NVL: variants seen among roughly 807,000 people sequenced by gnomAD.
The protein encoded by NVL is nuclear VCP like.
In NVL, 84 loss-of-function variants were observed where a neutral mutation model predicts 110.2. The ratio of observed to expected loss-of-function variants is 0.76; its 90% confidence interval spans 0.64 to 0.91. The LOEUF (loss-of-function observed/expected upper bound fraction) is 0.91, where lower values mean the gene tolerates loss of function less well. Ranked by LOEUF, NVL falls within the 40% of genes least tolerant of loss-of-function variation. NVL has a pLI of 0.00. For missense variants in NVL, 882 were observed against 1,035.9 expected, an observed-to-expected ratio of 0.85 and a Z score of 2.04; for synonymous variants, 354 against 361.1, an observed-to-expected ratio of 0.98 and a Z score of 0.22.
chr1:224,305,210 T>C, intron 6 of NVL, 44 bp from the exon 7 acceptor site: 1 of 1,560,212 alleles, frequency 6.4e-7, no homozygotes. Context: ...TAAAATTCTA[T>C]GCCAATAATT....
chr1:224,316,662 C>CAAA (rs71170004), intron 4 of NVL, among the ~76,000 whole-genome samples: 4 of 121,922 alleles, frequency 3.3e-5, no homozygotes, highest in Admixed American at 9.0e-5. Context: ...AACCCTGTCT[C>CAAA]AAAAAAAAAA....
At chr1:224,318,828 A>T (rs536658614) in intron 2 of NVL, among the ~76,000 whole-genome samples, 26 of 151,336 alleles carry the variant, frequency 1.7e-4, no homozygotes, top group Non-Finnish European at 3.5e-4. Context: ...CTAAAAATAA[A>T]AAAAAAAAAA....
At chr1:224,233,769 CA>C (rs1297137302) in intron 20 of NVL, among the ~76,000 whole-genome samples, 1 of 150,878 alleles carries the variant, frequency 6.6e-6, no homozygotes, top group African/African-American at 2.4e-5. Context: ...AATTAAAAAA[CA>C]AAAACAAAAA....
At chr1:224,268,000 G>C (rs1488302730) in intron 18 of NVL, 34 bp downstream of exon 18, 2 of 1,420,420 alleles carry the variant, frequency 1.4e-6, no homozygotes, top group Non-Finnish European at 2.0e-6. Flanking sequence ...TAAGTTTTTA[G>C]ATTCATCTGT....
At chr1:224,282,650 T>C (rs1053985231) in intron 15 of NVL, among the ~76,000 whole-genome samples, 3 of 152,220 alleles carry the variant, frequency 2.0e-5, no homozygotes, top group African/African-American at 7.2e-5. Flanking sequence ...TTCCTATTCT[T>C]AGAACCTGGT....
At chr1:224,293,112 C>A (rs940591517) in intron 12 of NVL, among the ~76,000 whole-genome samples, 1 of 150,946 alleles carries the variant, frequency 6.6e-6, no homozygotes, top group Non-Finnish European at 1.5e-5. Context: ...CTCTGTCGCC[C>A]AGGCTGGAGT....
intron 12 of NVL, among the ~76,000 whole-genome samples, chr1:224,293,929 C>T (rs1180267390): frequency 6.6e-6 from 1 of 152,188 alleles, no homozygotes; most frequent in Non-Finnish European, 1.5e-5. Flanking sequence ...TCCTCCTGTG[C>T]TTCAGCCTCC....
intron 15 of NVL, among the ~76,000 whole-genome samples, chr1:224,281,909 T>C (rs535597927): frequency 7.1e-6 from 1 of 141,752 alleles, no homozygotes; most frequent in East Asian, 2.1e-4. Context: ...GCCAAGATTG[T>C]GCCATAGCAC....
rs1157220455 is a variant in NVL at position 224,293,070 on chromosome 1, A to AT, written c.1325+1196dup. Among the ~76,000 whole-genome samples, 839 of 125,112 alleles carry AT rather than the reference A, an allele frequency of 6.7e-3. 5 individuals carry two copies. The highest frequency in any genetic ancestry group is 0.016 in the African/African-American group (554 of 33,606). The allele number at this position is 125,112 out of a possible 152,430, so 82.1% of individuals were successfully genotyped here. ...ATACCCGACCTAATATTTCAGAACAATTTTTTTTTTTTTTTTTGAGACAGA... is the reference window on the plus strand; with the variant it reads ...ATACCCGACCTAATATTTCAGAACAATTTTTTTTTTTTTTTTTTGAGACAGA... On this transcript the variant is annotated intron_variant, in intron 12 of 22. Transcript: ENST00000281701.
rs1417371048 is a variant in NVL at position 224,227,519 on chromosome 1, T to C, written c.*107A>G. 1.2e-6 allele frequency: 1 copy of C among 846,684 alleles called. No homozygotes were observed. The highest frequency in any genetic ancestry group is 2.9e-5 in the East Asian group (1 of 34,828). The allele number at this position is 846,684 out of a possible 1,614,324, so 52.4% of individuals were successfully genotyped here. On this transcript the variant is annotated 3_prime_UTR_variant, in exon 23 of 23. Coordinates refer to ENST00000281701, the MANE Select transcript of NVL (RefSeq NM_002533.4). ...CTCATTCATTTGAAAATAAAATGTTTACATGAGGCCGCGCCTGTGTCCAGC... is the reference window on the plus strand; with the variant it reads ...CTCATTCATTTGAAAATAAAATGTTCACATGAGGCCGCGCCTGTGTCCAGC...
At chr1:224,308,544 A>G (rs1315546879) in intron 5 of NVL, among the ~76,000 whole-genome samples, 1 of 151,898 alleles carries the variant, frequency 6.6e-6, no homozygotes, top group Admixed American at 6.6e-5. Context: ...TACAAAAATT[A>G]GCCGGGCGCA....
chr1:224,297,206 G>A (rs767876590), intron 10 of NVL, among the ~76,000 whole-genome samples: 29 of 152,162 alleles, frequency 1.9e-4, no homozygotes, highest in Non-Finnish European at 3.5e-4. Flanking sequence ...TCAGACTGTT[G>A]TGTAAACGTC....
intron 18 of NVL, among the ~76,000 whole-genome samples, chr1:224,250,818 T>C (rs537095417): frequency 2.0e-5 from 3 of 152,148 alleles, no homozygotes; most frequent in Non-Finnish European, 4.4e-5. Context: ...GATGTTTGGC[T>C]GGTTAATTTT....
rs1272631309 is a variant in NVL at position 224,231,285 on chromosome 1, C to T, written c.2467G>A (p.Val823Ile). 6.2e-7 allele frequency: 1 copy of T among 1,611,976 alleles called. No individual in the cohort carries two copies. The highest frequency in any genetic ancestry group is 8.5e-7 in the Non-Finnish European group (1 of 1,179,278). The change falls in exon 22 of 23, where the codon GTT (valine) becomes ATT (isoleucine). Residue 823 changes from valine (V) to isoleucine (I), a missense_variant. This residue lies in a region of NVL where 126 missense variants were observed against 140.7 expected (regional missense o/e 0.90). Transcript: ENST00000281701. ...GCTTCTTCAAAATGCTTATGACTAA[C>T]CTTGAGTTCACCTATGGAGTAAATG... ...KSGNEKGELK[V>I]SHKHFEEAFK...
chr1:224,293,807 A>AT (rs1324293723), intron 12 of NVL, among the ~76,000 whole-genome samples: 1 of 152,130 alleles, frequency 6.6e-6, no homozygotes. Context: ...TGATGAGTAA[A>AT]TTGTTTTCTT....
intron 22 of NVL, 126 bp from the exon 23 acceptor site, chr1:224,227,796 A>G (rs1334657790): frequency 1.3e-6 from 1 of 752,376 alleles, no homozygotes; most frequent in East Asian, 3.0e-5. Context: ...GTAACTGGAG[A>G]GAGGGTCTTT....
At chr1:224,281,010 T>A in intron 16 of NVL, 113 bp downstream of exon 16, 2 of 1,001,044 alleles carry the variant, frequency 2.0e-6, no homozygotes, top group Non-Finnish European at 3.1e-6. Flanking sequence ...CAGCACTGAT[T>A]TTAAATACCA....
At chr1:224,324,869 A>C (rs1209176582) in intron 2 of NVL, among the ~76,000 whole-genome samples, 3 of 152,222 alleles carry the variant, frequency 2.0e-5, no homozygotes, top group Non-Finnish European at 4.4e-5. Flanking sequence ...AGAGTCCAAT[A>C]AGCTGAATTG....
intron 2 of NVL, among the ~76,000 whole-genome samples, chr1:224,325,509 G>A (rs1397733335): frequency 1.5e-4 from 22 of 150,648 alleles, no homozygotes; most frequent in South Asian, 8.5e-4. Context: ...CAAGGTGGGC[G>A]GATCACCTGA....
Sources: allele counts gnomAD v4.1 joint callset (sites outside exome capture counted in the v4.1 genomes callset), GRCh38; gene constraint gnomAD v4.1.1; regional missense constraint gnomAD v4.1.1; transcripts MANE v1.5; gene names NCBI Gene and HGNC (gene_info 2026-07-23, HGNC 2026-07-21).